The following FRMD3 variants were observed in gnomAD, a reference collection of about 807,000 sequenced individuals.
The protein encoded by FRMD3 is FERM domain containing 3, also known as FERM domain-containing protein 3.
FRMD3 carries 33 observed loss-of-function variants against 70.2 expected under a neutral mutation model. The ratio of observed to expected loss-of-function variants is 0.47; its 90% CI spans 0.36 to 0.63. FRMD3 has a LOEUF of 0.63. Among genes scored for constraint, FRMD3 ranks in the 20% least tolerant of loss-of-function variants. The pLI is 0.00. For synonymous variants in FRMD3, 279 were observed against 255.9 expected (o/e 1.09, Z -0.86); for missense variants, 632 against 711.4 (o/e 0.89, Z 1.27).
At chr9:83,406,919 G>A (rs888468504) in intron 1 of FRMD3, among the ~76,000 whole-genome samples, 12 of 151,918 alleles carry the variant, frequency 7.9e-5, no homozygotes, top group Non-Finnish European at 1.5e-4. Context: ...CAAATACTCC[G>A]CAAAATGCCC....
intron 10 of FRMD3, among the ~76,000 whole-genome samples, chr9:83,304,998 G>T (rs937406268): frequency 1.3e-5 from 2 of 152,236 alleles, no homozygotes; most frequent in Non-Finnish European, 2.9e-5. Flanking sequence ...ACAACCAGCA[G>T]CGCATTTGCG....
chr9:83,419,529 A>G (rs1442218149), intron 1 of FRMD3, among the ~76,000 whole-genome samples: 2 of 147,196 alleles, frequency 1.4e-5, no homozygotes, highest in East Asian at 4.0e-4. Flanking sequence ...ATATGTGTTC[A>G]TGTGTGCTGA....
intron 13 of FRMD3, among the ~76,000 whole-genome samples, chr9:83,281,335 C>G (rs1833966132): frequency 6.6e-6 from 1 of 152,180 alleles, no homozygotes; most frequent in African/African-American, 2.4e-5. Context: ...GTGAGAGTGT[C>G]TATTTATCTA....
chr9:83,278,451 A>T (rs1833864380), intron 13 of FRMD3, among the ~76,000 whole-genome samples: 1 of 152,226 alleles, frequency 6.6e-6, no homozygotes, highest in South Asian at 2.1e-4. Context: ...GACAGAGATG[A>T]GGGGCTGCAC....
chr9:83,338,746 G>A (rs1014469810), intron 5 of FRMD3, among the ~76,000 whole-genome samples: 1 of 152,146 alleles, frequency 6.6e-6, no homozygotes, highest in African/African-American at 2.4e-5. Flanking sequence ...ACCCAGCATT[G>A]CCCTTAGGAG....
chr9:83,524,444 C>CA (rs1298732688), intron 1 of FRMD3, among the ~76,000 whole-genome samples: 1 of 152,166 alleles, frequency 6.6e-6, no homozygotes, highest in East Asian at 1.9e-4. Context: ...AGAAAGTAGA[C>CA]ATGGAAAGAA....
chr9:83,304,513 T>G (rs1007898575), intron 10 of FRMD3, among the ~76,000 whole-genome samples: 2 of 152,218 alleles, frequency 1.3e-5, no homozygotes, highest in Non-Finnish European at 2.9e-5. Flanking sequence ...GGCACTTGTT[T>G]AGGGAGCTAG....
At chr9:83,559,948 G>C in the FRMD3 span, among the ~76,000 whole-genome samples, 1 of 151,750 alleles carries the variant, frequency 6.6e-6, no homozygotes, top group Non-Finnish European at 1.5e-5. Context: ...AGTATATACA[G>C]AGTTTTATCA....
chr9:83,444,418 T>C (rs1827396221), intron 1 of FRMD3, among the ~76,000 whole-genome samples: 2 of 152,312 alleles, frequency 1.3e-5, no homozygotes, highest in Admixed American at 6.5e-5. Context: ...CCTTGGAAAA[T>C]TCATGCCAGG....
At chr9:83,509,726 A>C (rs947548329) in intron 1 of FRMD3, among the ~76,000 whole-genome samples, 8 of 152,136 alleles carry the variant, frequency 5.3e-5, no homozygotes, top group African/African-American at 1.7e-4. Context: ...GCTTCTTACT[A>C]CTGCATGTGA....
chr9:83,257,382 G>A (rs1308963875), intron 13 of FRMD3, among the ~76,000 whole-genome samples: 4 of 152,112 alleles, frequency 2.6e-5, no homozygotes, highest in African/African-American at 9.7e-5. Flanking sequence ...CAGGGGGTTG[G>A]GGGAGGAAGA....
At chr9:83,548,212 G>A in the FRMD3 span, among the ~76,000 whole-genome samples, 2 of 152,174 alleles carry the variant, frequency 1.3e-5, no homozygotes, top group African/African-American at 4.8e-5. Flanking sequence ...TAGCACCTAT[G>A]CAACTAGGTA....
intron 6 of FRMD3, among the ~76,000 whole-genome samples, chr9:83,319,294 C>T (rs574509034): frequency 8.5e-4 from 129 of 152,188 alleles, no homozygotes; most frequent in Middle Eastern, 3.4e-3. Context: ...CCTAGGTTTT[C>T]TTCTAGGATT....
chr9:83,362,349 C>T (rs1395676113), intron 3 of FRMD3, among the ~76,000 whole-genome samples: 1 of 152,212 alleles, frequency 6.6e-6, no homozygotes, highest in Non-Finnish European at 1.5e-5. Flanking sequence ...CCATCAAAGT[C>T]AGGAATTCCA....
In FRMD3 at chr9:83,360,088, C is replaced by T. The variant is rs552989201; in HGVS notation, c.296-10331G>A. ...TGTATATGAAGAGATATTTGGCAGC[C>T]CTGGCATCTAAAGGACAGCTTTGCT... On this transcript the variant is annotated intron_variant, in intron 3 of 13. Coordinates refer to ENST00000304195, the MANE Select transcript of FRMD3 (RefSeq NM_174938.6). 5.3e-5 allele frequency among the ~76,000 whole-genome samples: 8 copies of T among 152,156 alleles called. No individual in the cohort carries two copies. In the South Asian group the frequency reaches 1.7e-3, roughly 32 times the overall value.
intron 13 of FRMD3, among the ~76,000 whole-genome samples, chr9:83,260,281 G>T (rs1036467417): frequency 3.3e-5 from 5 of 152,156 alleles, no homozygotes; most frequent in Non-Finnish European, 5.9e-5. Context: ...GCAAGTTAAG[G>T]TCACAAAATT....
intron 1 of FRMD3, among the ~76,000 whole-genome samples, chr9:83,393,072 T>C (rs1308601897): frequency 6.6e-6 from 1 of 152,250 alleles, no homozygotes; most frequent in African/African-American, 2.4e-5. Context: ...TGATAATCTG[T>C]GCTTAAAATC....
At chr9:83,286,276 A>G (rs1834205156) in intron 13 of FRMD3, among the ~76,000 whole-genome samples, 1 of 152,180 alleles carries the variant, frequency 6.6e-6, no homozygotes, top group Non-Finnish European at 1.5e-5. Context: ...TAGAGATTCC[A>G]TAAGTTAAGA....
At chr9:83,545,915 A>G in the FRMD3 span, among the ~76,000 whole-genome samples, 1 of 152,232 alleles carries the variant, frequency 6.6e-6, no homozygotes, top group Non-Finnish European at 1.5e-5. Flanking sequence ...CAGACTGTCC[A>G]AAGTCAACAT....
Sources: allele counts gnomAD v4.1 joint callset (sites outside exome capture counted in the v4.1 genomes callset), GRCh38; gene constraint gnomAD v4.1.1; transcripts MANE v1.5; gene names NCBI Gene and HGNC (gene_info 2026-07-23, HGNC 2026-07-21).